Variants in CRPPA observed in about 807,000 individuals in gnomAD.
CRPPA encodes the protein D-ribitol-5-phosphate cytidylyltransferase.
In CRPPA, 43 loss-of-function variants were observed where a neutral mutation model predicts 52.0. The ratio of observed to expected loss-of-function variants is 0.83; its 90% CI spans 0.65 to 1.07. The LOEUF (loss-of-function observed/expected upper bound fraction) is 1.07. Among genes scored for constraint, CRPPA ranks in the 50% least tolerant of loss-of-function variants. The pLI is 0.00. For synonymous variants in CRPPA, 250 were observed against 203.5 expected (o/e 1.23, Z -1.94); for missense variants, 629 against 551.7 (o/e 1.14, Z -1.40).
At chr7:16,377,000 T>C (rs1437534367) in intron 2 of CRPPA, among the ~76,000 whole-genome samples, 5 of 152,152 alleles carry the variant, frequency 3.3e-5, no homozygotes, top group Non-Finnish European at 7.4e-5. Flanking sequence ...TAACCAAACC[T>C]TATATTTACT....
At chr7:16,328,432 T>G (rs1156350285) in intron 3 of CRPPA, among the ~76,000 whole-genome samples, 1 of 152,080 alleles carries the variant, frequency 6.6e-6, no homozygotes, top group Non-Finnish European at 1.5e-5. Flanking sequence ...AATCATAATA[T>G]TGTTAGAAAT....
At chr7:16,386,077 C>A (rs984368154) in intron 2 of CRPPA, among the ~76,000 whole-genome samples, 2 of 152,106 alleles carry the variant, frequency 1.3e-5, no homozygotes, top group East Asian at 3.8e-4. Flanking sequence ...AGAATCATAT[C>A]ATACATGAAT....
chr7:16,349,401 G>A (rs1786092289), intron 3 of CRPPA, among the ~76,000 whole-genome samples: 1 of 152,066 alleles, frequency 6.6e-6, no homozygotes, highest in South Asian at 2.1e-4. Flanking sequence ...CAAAGAAAAT[G>A]AAAAAGCAGA....
At chr7:16,191,385 C>T (rs1182100940) in intron 9 of CRPPA, among the ~76,000 whole-genome samples, 1 of 152,088 alleles carries the variant, frequency 6.6e-6, no homozygotes, top group Non-Finnish European at 1.5e-5. Flanking sequence ...TCAGTTATAA[C>T]ACCCATATAT....
intron 9 of CRPPA, among the ~76,000 whole-genome samples, chr7:16,112,152 T>A (rs553870557): frequency 7.8e-4 from 119 of 152,092 alleles, no homozygotes; most frequent in African/African-American, 2.8e-3. Context: ...CCATCTCTAC[T>A]AAAAATACAA....
rs61189058 is a variant in CRPPA, at chr7:16,168,534, A to AACACAC, written c.1251+47526_1251+47531dup. Among the ~76,000 whole-genome samples, 458 of 143,232 alleles carry AACACAC rather than the reference A, an allele frequency of 3.2e-3. 3 individuals carry two copies. The highest frequency in any genetic ancestry group is 0.011 in the African/African-American group (420 of 38,416). The allele number at this position is 143,232 out of a possible 152,430, so 94.0% of individuals were successfully genotyped here. On this transcript the variant is annotated intron_variant, in intron 9 of 9. Coordinates refer to ENST00000407010, the MANE Select transcript of CRPPA (RefSeq NM_001101426.4). ...TGACATAAGACACTGAGTGAAGTAAAACACACACACACACACACACACACA... is the reference window on the plus strand; with the variant it reads ...TGACATAAGACACTGAGTGAAGTAAAACACACACACACACACACACACACACACACA...
At chr7:16,154,250 G>A (rs772636287) in intron 9 of CRPPA, among the ~76,000 whole-genome samples, 4 of 151,814 alleles carry the variant, frequency 2.6e-5, no homozygotes, top group Non-Finnish European at 5.9e-5. Flanking sequence ...TAAAAAATGG[G>A]ACACATGGGC....
intron 2 of CRPPA, among the ~76,000 whole-genome samples, chr7:16,399,640 C>T (rs905940925): frequency 6.6e-5 from 10 of 151,526 alleles, no homozygotes; most frequent in South Asian, 2.1e-4. Context: ...GACACATGAT[C>T]GACATGTAAT....
chr7:16,403,708 T>G (rs1191083873), intron 2 of CRPPA, among the ~76,000 whole-genome samples: 2 of 152,144 alleles, frequency 1.3e-5, no homozygotes, highest in Non-Finnish European at 2.9e-5. Context: ...CAGGACATAG[T>G]GCCTGGAGTT....
intron 2 of CRPPA, among the ~76,000 whole-genome samples, chr7:16,399,002 G>T (rs950136840): frequency 6.6e-6 from 1 of 152,214 alleles, no homozygotes; most frequent in Non-Finnish European, 1.5e-5. Flanking sequence ...ATTGACACTT[G>T]ACTGACACAA....
intron 5 of CRPPA, among the ~76,000 whole-genome samples, chr7:16,286,064 T>TAATATTTAAAAAAAA (rs1562608511): frequency 2.7e-4 from 8 of 29,770 alleles, no homozygotes; most frequent in African/African-American, 1.2e-3. Flanking sequence ...TATATATATA[T>TAATATTTAAAAAAAA]ATATATATAT....
chr7:16,295,921 G>A (rs764554315), intron 5 of CRPPA, among the ~76,000 whole-genome samples: 6 of 152,020 alleles, frequency 3.9e-5, no homozygotes, highest in Admixed American at 2.0e-4. Context: ...ATACTACTCC[G>A]TAGAAAATTG....
intron 2 of CRPPA, among the ~76,000 whole-genome samples, chr7:16,405,359 C>T (rs1032204988): frequency 6.6e-6 from 1 of 152,028 alleles, no homozygotes. Flanking sequence ...GTTAAAAACA[C>T]GACATCACTA....
chr7:16,136,743 T>C (rs1422394357), intron 9 of CRPPA, among the ~76,000 whole-genome samples: 2 of 152,196 alleles, frequency 1.3e-5, no homozygotes, highest in Non-Finnish European at 2.9e-5. Flanking sequence ...GTGCCCACTG[T>C]TTATTGGGGT....
chr7:16,285,346 A>T (rs2189736), intron 5 of CRPPA, among the ~76,000 whole-genome samples: 114,375 of 151,970 alleles, frequency 0.75, 43,234 homozygotes, highest in Admixed American at 0.79. Context: ...TGACCTGTCA[A>T]CTTGACTGAT....
chr7:16,130,208 C>A (rs1231944033), intron 9 of CRPPA, among the ~76,000 whole-genome samples: 3 of 152,052 alleles, frequency 2.0e-5, no homozygotes, highest in African/African-American at 7.2e-5. Flanking sequence ...CTTTTTAAAG[C>A]AAGACTTCAT....
chr7:16,371,210 A>G (rs949170973), intron 3 of CRPPA, among the ~76,000 whole-genome samples: 3 of 152,142 alleles, frequency 2.0e-5, no homozygotes, highest in Non-Finnish European at 2.9e-5. Context: ...CTTAGCTACA[A>G]CTGGTACCTA....
intron 9 of CRPPA, among the ~76,000 whole-genome samples, chr7:16,116,165 T>C (rs1782366755): frequency 6.6e-6 from 1 of 152,180 alleles, no homozygotes; most frequent in African/African-American, 2.4e-5. Flanking sequence ...GATGCCACTT[T>C]AACCAAGTGA....
intron 9 of CRPPA, among the ~76,000 whole-genome samples, chr7:16,104,847 C>T (rs1348269915): frequency 6.6e-6 from 1 of 151,562 alleles, no homozygotes; most frequent in East Asian, 1.9e-4. Flanking sequence ...CTGCAGTGAG[C>T]CGAGATCACG....
Sources: allele counts gnomAD v4.1 joint callset (sites outside exome capture counted in the v4.1 genomes callset), GRCh38; gene constraint gnomAD v4.1.1; transcripts MANE v1.5; gene names NCBI Gene and HGNC (gene_info 2026-07-23, HGNC 2026-07-21).